Variants in CENPP observed in about 807,000 individuals in gnomAD.
The protein encoded by CENPP is centromere protein P.
A neutral mutation model predicts 35.6 loss-of-function variants in CENPP; 24 were observed. The observed-to-expected ratio is 0.67, with a 90% CI of 0.49 to 0.95. The LOEUF is 0.95. CENPP is among the 40% of genes least tolerant of loss of function. CENPP has a pLI of 0.00. For synonymous variants in CENPP, 120 were observed against 125.5 expected (o/e 0.96, Z 0.29); for missense variants, 332 against 345.3 (o/e 0.96, Z 0.31).
At chr9:92,535,840 T>C in intron 5 of CENPP, 1 of 348,624 alleles carries the variant, frequency 2.9e-6, no homozygotes, top group Non-Finnish European at 5.5e-6. Context: ...CGAGCTAATT[T>C]ACTCAAGAGT....
chr9:92,553,343 G>A (rs1263347925), intron 5 of CENPP, among the ~76,000 whole-genome samples: 2 of 152,124 alleles, frequency 1.3e-5, no homozygotes, highest in Non-Finnish European at 2.9e-5. Flanking sequence ...GTTGTGTGAT[G>A]TCTCCAGATT....
rs1588085056 is a variant in CENPP at position 92,389,755 on chromosome 9, T to C, written c.564+9896T>C. ...GTCTTCATTTATTAAATCAAAATAG[T>C]TTTTAAGTGTAATCAAAATACAATT... On this transcript the variant is annotated intron_variant, in intron 5 of 7. Coordinates refer to ENST00000375587, the MANE Select transcript of CENPP (RefSeq NM_001012267.3). The C allele has an allele frequency of 9.5e-6, 7 of 735,984 alleles. No individual in the cohort carries two copies. The East Asian group carries it at 1.9e-4, about 20-fold the overall frequency. 45.6% of individuals were successfully genotyped at this position (735,984 alleles called of 1,614,324 possible). A position where few individuals can be genotyped will look rare whatever the true frequency, so the allele number is the denominator to read the frequency against.
Position 92,593,153 on chromosome 9 carries a change from C to A in CENPP, c.565-18161C>A, listed in dbSNP as rs1274832434. On this transcript the variant is annotated intron_variant, in intron 5 of 7. Transcript: ENST00000375587. This position sits in a 1 kb window ranked among gnomAD's most constrained non-coding sequence, Gnocchi z 4.1. ...AATCCCAGGTGGCAGGAGAGCTGCCCCCGGGGAGCCACACTGTGTGTAAGA... is the reference window on the plus strand; with the variant it reads ...AATCCCAGGTGGCAGGAGAGCTGCCACCGGGGAGCCACACTGTGTGTAAGA... 6.6e-6 allele frequency among the ~76,000 whole-genome samples: 1 copy of A among 152,186 alleles called. No individual in the cohort carries two copies. Among genetic ancestry groups the A allele is most frequent in the Non-Finnish European group, 1.5e-5 (1 of 68,030 alleles).
At chr9:92,351,514 A>G (rs1175800746) in intron 4 of CENPP, among the ~76,000 whole-genome samples, 5 of 152,006 alleles carry the variant, frequency 3.3e-5, no homozygotes, top group African/African-American at 1.2e-4. Flanking sequence ...TGTACCCATA[A>G]ACAATAACTC....
intron 5 of CENPP, among the ~76,000 whole-genome samples, chr9:92,469,666 C>A (rs918351881): frequency 1.3e-5 from 2 of 152,016 alleles, no homozygotes; most frequent in African/African-American, 4.8e-5. Context: ...GGGGAAATGG[C>A]CTGGAATAGC....
intron 5 of CENPP, among the ~76,000 whole-genome samples, chr9:92,382,220 A>T (rs567149870): frequency 3.4e-4 from 52 of 152,058 alleles, no homozygotes; most frequent in African/African-American, 1.1e-3. Context: ...TTTAATTTTT[A>T]AAATTTATTT....
Position 92,337,596 on chromosome 9 carries a change from A to G in CENPP, c.345A>G (p.Thr115=), listed in dbSNP as rs1329641382. ...TATCAGGAAATTGCCACATGGTTACATTTCAACTTGAATTTCAGATTCTGG... is the reference window on the plus strand; with the variant it reads ...TATCAGGAAATTGCCACATGGTTACGTTTCAACTTGAATTTCAGATTCTGG... ...HRLSGNCHMV[T]FQLEFQILEI... Residue 115 remains threonine, a synonymous_variant, in exon 3 of 8, where the codon ACA becomes ACG. Coordinates refer to ENST00000375587, the MANE Select transcript of CENPP (RefSeq NM_001012267.3). 3 of 1,607,964 alleles carry G rather than the reference A, an allele frequency of 1.9e-6. No homozygotes were observed. The highest frequency in any genetic ancestry group is 2.6e-6 in the Non-Finnish European group (3 of 1,174,460).
intron 5 of CENPP, among the ~76,000 whole-genome samples, chr9:92,542,508 CTT>C (rs36113641): frequency 1.2e-4 from 18 of 145,758 alleles, no homozygotes; most frequent in Middle Eastern, 3.6e-3. Context: ...TCTTTTCTTT[CTT>C]TTTTTTTTTT....
intron 5 of CENPP, among the ~76,000 whole-genome samples, chr9:92,601,510 G>A (rs2131386889): frequency 6.6e-6 from 1 of 152,326 alleles, no homozygotes; most frequent in Admixed American, 6.5e-5. Flanking sequence ...TTGAGAATCT[G>A]AAAACCCCAT....
At chr9:92,577,221 ACACG>A (rs1014002938) in intron 5 of CENPP, among the ~76,000 whole-genome samples, 1 of 152,156 alleles carries the variant, frequency 6.6e-6, no homozygotes, top group African/African-American at 2.4e-5. Context: ...ATATCAAGAA[ACACG>A]CACAGGGGCT....
intron 5 of CENPP, among the ~76,000 whole-genome samples, chr9:92,566,311 A>AT (rs1564005150): frequency 6.6e-6 from 1 of 151,798 alleles, no homozygotes; most frequent in East Asian, 1.9e-4. Flanking sequence ...AAAAAAAAAA[A>AT]CAAAAACACA....
chr9:92,344,055 A>G (rs1336125449), intron 3 of CENPP, among the ~76,000 whole-genome samples: 1 of 151,674 alleles, frequency 6.6e-6, no homozygotes, highest in Non-Finnish European at 1.5e-5. Context: ...GAGGAGAATG[A>G]GAACTGTGGG....
Position 92,551,939 on chromosome 9 carries a change from A to G in CENPP, c.565-59375A>G, listed in dbSNP as rs1460494402. On this transcript the variant is annotated intron_variant, in intron 5 of 7. Coordinates refer to ENST00000375587, the MANE Select transcript of CENPP (RefSeq NM_001012267.3). ...ATGGTGTGTGTGTATATATATATAT[A>G]TATATATATATATGATATATATATG... Among the ~76,000 whole-genome samples the G allele has an allele frequency of 3.3e-4, 28 of 84,906 alleles. 3 individuals are homozygous for G. The highest frequency in any genetic ancestry group is 2.6e-3 in the African/African-American group (28 of 10,792). 55.7% of individuals were successfully genotyped at this position (84,906 alleles called of 152,430 possible). A position where few individuals can be genotyped will look rare whatever the true frequency, so the allele number is the denominator to read the frequency against.
intron 5 of CENPP, chr9:92,457,238 G>T: frequency 1.3e-6 from 2 of 1,590,510 alleles, no homozygotes; most frequent in Non-Finnish European, 1.7e-6. Flanking sequence ...TATTCCAAAT[G>T]TAGGGATTTT....
intron 5 of CENPP, chr9:92,460,467 C>G: frequency 6.4e-7 from 1 of 1,563,402 alleles, no homozygotes; most frequent in South Asian, 1.1e-5. Flanking sequence ...ATTTTGGGAA[C>G]GTTTACCTTT....
chr9:92,573,566 C>T (rs1039874712), intron 5 of CENPP, among the ~76,000 whole-genome samples: 1 of 152,200 alleles, frequency 6.6e-6, no homozygotes, highest in Non-Finnish European at 1.5e-5. Flanking sequence ...CTTGAGAAGG[C>T]GGTCTGTCCG....
intron 5 of CENPP, among the ~76,000 whole-genome samples, chr9:92,595,605 G>A (rs1278734299): frequency 1.3e-5 from 2 of 150,720 alleles, no homozygotes; most frequent in Non-Finnish European, 3.0e-5. Flanking sequence ...TCGCTCTGTC[G>A]CCCAGGCTGG....
intron 5 of CENPP, among the ~76,000 whole-genome samples, chr9:92,423,087 C>CTAG (rs754393918): frequency 1.3e-5 from 2 of 152,070 alleles, no homozygotes; most frequent in Non-Finnish European, 2.9e-5. Flanking sequence ...TTGATTATTC[C>CTAG]TAGGCATTTA....
intron 6 of CENPP, 121 bp downstream of exon 6, chr9:92,611,514 T>C: frequency 2.7e-6 from 2 of 733,422 alleles, no homozygotes; most frequent in Middle Eastern, 3.2e-4. Flanking sequence ...AGGTCGTCGG[T>C]TGGAGGAATC....
Sources: gnomAD v4.1 joint callset for allele counts (sites outside exome capture counted in the v4.1 genomes callset) on GRCh38, gnomAD v4.1.1 for gene constraint, Gnocchi (gnomAD v3.1) non-coding constraint, MANE v1.5 for transcripts, NCBI Gene and HGNC (gene_info 2026-07-23, HGNC 2026-07-21) for gene names.